Variants in CDC27 observed in about 807,000 individuals in gnomAD.
The protein encoded by CDC27 is cell division cycle protein 27 homolog.
In CDC27, 27 loss-of-function variants were observed where a neutral mutation model predicts 109.7. The ratio of observed to expected loss-of-function variants is 0.25; its 90% confidence interval spans 0.18 to 0.34. The LOEUF is 0.34. Ranked by LOEUF, CDC27 falls within the 10% of genes least tolerant of loss-of-function variation. The probability of loss-of-function intolerance (pLI) is 1.00; values close to 1 mark genes in which losing one functional copy is unlikely to be tolerated. For synonymous variants in CDC27, 266 were observed against 333.9 expected, an observed-to-expected ratio of 0.80 and a Z score of 2.22; for missense variants, 579 against 960.2, an observed-to-expected ratio of 0.60 and a Z score of 5.25.
chr17:47,141,705 T>C, intron 12 of CDC27, 148 bp downstream of exon 12: 1 of 457,890 alleles, frequency 2.2e-6, no homozygotes, highest in East Asian at 3.7e-5. Context: ...ACTATATCTA[T>C]AAATTATAAA....
chr17:47,159,784 GA>G, intron 4 of CDC27: 1 of 433,034 alleles, frequency 2.3e-6, no homozygotes, highest in Non-Finnish European at 4.5e-6. Context: ...AGGCCCCCAG[GA>G]AAAAGTCAAT....
chr17:47,141,609 G>A (rs916476851), intron 12 of CDC27, among the ~76,000 whole-genome samples: 4 of 152,182 alleles, frequency 2.6e-5, no homozygotes, highest in East Asian at 1.9e-4. Flanking sequence ...CACACTCTAC[G>A]TAAGAATGTC....
At chr17:47,162,775 G>A (rs930156822) in intron 4 of CDC27, among the ~76,000 whole-genome samples, 7 of 152,104 alleles carry the variant, frequency 4.6e-5, no homozygotes, top group Non-Finnish European at 8.8e-5. Context: ...ACTTGGTTAA[G>A]TTGGCAAGGC....
Position 47,118,999 on chromosome 17 carries a change from G to A in CDC27, c.*1936C>T, listed in dbSNP as rs541800959. ...CAAAAAGATAATTATACTTCAGCAA[G>A]TTATGTTCTAAGCTTAGCTTTCTCC... is the stretch of plus-strand genomic sequence containing the variant. On this transcript the variant is annotated 3_prime_UTR_variant, in exon 19 of 19. Transcript: ENST00000066544. 6.6e-6 allele frequency: 1 copy of A among 152,262 alleles called. No individual in the cohort carries two copies. Among genetic ancestry groups the A allele is most frequent in the South Asian group, 2.1e-4 (1 of 4,828 alleles). 9.4% of individuals were successfully genotyped at this position (152,262 alleles called of 1,614,324 possible). A position where few individuals can be genotyped will look rare whatever the true frequency, so the allele number is the denominator to read the frequency against.
intron 14 of CDC27, 70 bp downstream of exon 14, chr17:47,137,082 C>T: frequency 2.4e-6 from 2 of 823,844 alleles, no homozygotes; most frequent in Non-Finnish European, 3.6e-6. Flanking sequence ...AAAGAGCTAT[C>T]TAACAAGAAA....
At chr17:47,171,776 A>G in intron 3 of CDC27, 141 bp downstream of exon 3, 1 of 580,854 alleles carries the variant, frequency 1.7e-6, no homozygotes, top group Non-Finnish European at 2.9e-6. Context: ...GCCATAGGCA[A>G]CAGTGTAAAC....
intron 4 of CDC27, among the ~76,000 whole-genome samples, chr17:47,161,316 G>A (rs1485224404): frequency 1.3e-5 from 2 of 152,086 alleles, no homozygotes; most frequent in Non-Finnish European, 2.9e-5. Flanking sequence ...TCATAAGACT[G>A]ACATAATCAC....
intron 2 of CDC27, among the ~76,000 whole-genome samples, chr17:47,178,914 T>C (rs979252648): frequency 2.6e-5 from 4 of 152,162 alleles, no homozygotes; most frequent in African/African-American, 9.7e-5. Flanking sequence ...GCAATTCTCC[T>C]GCCTCAGCCT....
Position 47,138,814 on chromosome 17 carries a change from A to G in CDC27, c.1629T>C (p.Leu543=). Residue 543 remains leucine (L), a synonymous_variant, in exon 13 of 19, where the codon CTT becomes CTC. Transcript: ENST00000066544. ...GAGCAACATCTTTTTGAAGATGCCA[A>G]AGTGTTGTAGAGTAGATCTCCATGC... ...VEGMEIYSTT[L]WHLQKDVALS... 6.8e-6 allele frequency: 11 copies of G among 1,608,006 alleles called. No homozygotes were observed. The highest frequency in any genetic ancestry group is 9.4e-6 in the Non-Finnish European group (11 of 1,175,094).
intron 4 of CDC27, chr17:47,159,923 C>T (rs761074466): frequency 2.3e-5 from 9 of 387,648 alleles, no homozygotes; most frequent in Admixed American, 1.4e-4. Context: ...CTTGCCTCCA[C>T]GAGCTCCGTG....
At chr17:47,184,726 A>G (rs1355773787) in intron 1 of CDC27, among the ~76,000 whole-genome samples, 1 of 152,164 alleles carries the variant, frequency 6.6e-6, no homozygotes, top group Non-Finnish European at 1.5e-5. Context: ...TGCTCAATCA[A>G]TTCTAAGTTC....
At chr17:47,124,224 A>C (rs1445386072) in intron 16 of CDC27, among the ~76,000 whole-genome samples, 3 of 129,574 alleles carry the variant, frequency 2.3e-5, no homozygotes, top group Non-Finnish European at 4.9e-5. Context: ...TCTTCGTGAA[A>C]TATGCAGGTG....
chr17:47,135,898 T>C (rs2062570233), intron 14 of CDC27, among the ~76,000 whole-genome samples: 1 of 152,096 alleles, frequency 6.6e-6, no homozygotes, highest in African/African-American at 2.4e-5. Flanking sequence ...ATCCCAGCAC[T>C]GGGAGGCCAA....
chr17:47,127,740 T>C (rs901333072), intron 16 of CDC27, among the ~76,000 whole-genome samples: 2 of 152,034 alleles, frequency 1.3e-5, no homozygotes, highest in Non-Finnish European at 2.9e-5. Flanking sequence ...TCTAGCTTTG[T>C]GGCCCAGGCT....
chr17:47,121,587 C>T (rs1429508988), intron 18 of CDC27, among the ~76,000 whole-genome samples: 1 of 152,130 alleles, frequency 6.6e-6, no homozygotes, highest in African/African-American at 2.4e-5. Flanking sequence ...GGACTATAGA[C>T]ACGTACCACC....
In CDC27 at chr17:47,118,698, C is replaced by G. The variant is rs1440879574; in HGVS notation, c.*2237G>C. 6.6e-6 allele frequency: 1 copy of G among 152,546 alleles called. No homozygotes were observed. The highest frequency in any genetic ancestry group is 1.5e-5 in the Non-Finnish European group (1 of 68,022). The allele number at this position is 152,546 out of a possible 1,614,324, so 9.4% of individuals were successfully genotyped here. On this transcript the variant is annotated 3_prime_UTR_variant, in exon 19 of 19. Transcript: ENST00000066544. Reference sequence around the variant, plus strand: ...TGCTTGATCAAAATGTGTTCTTCTTCGGGTTGTTTGATCCCCATTCCATGC... The same window carrying G: ...TGCTTGATCAAAATGTGTTCTTCTTGGGGTTGTTTGATCCCCATTCCATGC...
intron 3 of CDC27, 45 bp from the exon 4 acceptor site, chr17:47,170,087 G>A: frequency 7.2e-7 from 1 of 1,393,624 alleles, no homozygotes; most frequent in Non-Finnish European, 9.5e-7. Context: ...AATATAAAAA[G>A]CAGTTCATGT....
chr17:47,146,135 C>A (rs1369613217), intron 9 of CDC27, among the ~76,000 whole-genome samples: 1 of 152,224 alleles, frequency 6.6e-6, no homozygotes, highest in Non-Finnish European at 1.5e-5. Flanking sequence ...GACATGAAAG[C>A]TCTGTATCAG....
At position 47,159,742 on chromosome 17, in the gene CDC27, C is replaced by A. The variant is rs112799227; in HGVS notation, c.378-1439G>T. 748 of 407,464 alleles carry A rather than the reference C, an allele frequency of 1.8e-3. 2 individuals are homozygous for A. Among genetic ancestry groups the A allele is most frequent in the Non-Finnish European group, 2.9e-3 (616 of 214,392 alleles). The allele number at this position is 407,464 out of a possible 1,614,324, so 25.2% of individuals were successfully genotyped here. ...GGCTGGCACGGGTCTGCTTCTGCACCGGCATAATCTTCAAAACCTTGTGCT... is the reference window on the plus strand; with the variant it reads ...GGCTGGCACGGGTCTGCTTCTGCACAGGCATAATCTTCAAAACCTTGTGCT... On this transcript the variant is annotated intron_variant, in intron 4 of 18. Coordinates refer to ENST00000066544, the MANE Select transcript of CDC27 (RefSeq NM_001256.6).
Sources: allele counts gnomAD v4.1 joint callset (sites outside exome capture counted in the v4.1 genomes callset), GRCh38; gene constraint gnomAD v4.1.1; transcripts MANE v1.5; gene names NCBI Gene and HGNC (gene_info 2026-07-23, HGNC 2026-07-21).